ARMC9: variants seen among roughly 807,000 people sequenced by gnomAD.
ARMC9 encodes lisH domain-containing protein ARMC9.
ARMC9 carries 94 observed loss-of-function variants against 107.0 expected under a neutral mutation model. That is an observed-to-expected ratio of 0.88 (90% CI 0.74 to 1.04). The LOEUF is 1.04. ARMC9 is among the 50% of genes least tolerant of loss of function. ARMC9 has a pLI of 0.00. For missense variants in ARMC9, 942 were observed against 1,030.1 expected (o/e 0.91, Z 1.17); for synonymous variants, 380 against 396.9 (o/e 0.96, Z 0.51).
intron 9 of ARMC9, among the ~76,000 whole-genome samples, chr2:231,252,885 CTG>C (rs991306366): frequency 1.3e-5 from 2 of 151,816 alleles, no homozygotes; most frequent in African/African-American, 4.8e-5. Flanking sequence ...AGTGATCCTC[CTG>C]CCTCAGCCTC....
intron 19 of ARMC9, among the ~76,000 whole-genome samples, chr2:231,327,715 G>T (rs571749043): frequency 1.3e-5 from 2 of 152,146 alleles, no homozygotes; most frequent in Non-Finnish European, 2.9e-5. Flanking sequence ...TGCTGGTTCT[G>T]TATAGTTGCA....
At position 231,272,977 on chromosome 2, in the gene ARMC9, C is replaced by G. The variant is rs758629647; in HGVS notation, c.1233C>G (p.Asn411Lys). 1 of 1,613,760 alleles carries G rather than the reference C, an allele frequency of 6.2e-7. No homozygotes were observed. The highest frequency in any genetic ancestry group is 8.5e-7 in the Non-Finnish European group (1 of 1,179,928). Reference sequence around the variant, plus strand: ...CAGGTCGCCTCTACCTTGCCCAGAACACAAAGGTGCTGCAGATGCTGGAGG... The same window carrying G: ...CAGGTCGCCTCTACCTTGCCCAGAAGACAAAGGTGCTGCAGATGCTGGAGG... ...LAEGRLYLAQ[N>K]TKVLQMLEGR... Residue 411 changes from asparagine (N) to lysine (K), a missense_variant, in exon 14 of 25, where the codon AAC (asparagine) becomes AAG (lysine). By Grantham distance (94) the Asn-to-Lys change is moderately conservative. Coordinates refer to ENST00000611582, the MANE Select transcript of ARMC9 (RefSeq NM_001352754.2).
rs2035843384 is a variant in ARMC9 at position 231,237,665 on chromosome 2, AAAACTTGGC to A, written c.781-2276_781-2268del. Among the ~76,000 whole-genome samples the A allele has an allele frequency of 8.0e-5, 12 of 150,288 alleles. No homozygotes were observed. In the South Asian group the frequency reaches 2.3e-3, roughly 29 times the overall value. On this transcript the variant is annotated intron_variant, in intron 8 of 24. Coordinates refer to ENST00000611582, the MANE Select transcript of ARMC9 (RefSeq NM_001352754.2). Reference sequence around the variant, plus strand: ...TGAAATCTTTGTCAGTTTGGTAAGTAAAACTTGGCATTCTGCATATTTTAATTTAGATTT... The same window carrying A: ...TGAAATCTTTGTCAGTTTGGTAAGTAATTCTGCATATTTTAATTTAGATTT...
intron 19 of ARMC9, among the ~76,000 whole-genome samples, chr2:231,318,057 T>C (rs1282487825): frequency 6.6e-6 from 1 of 151,878 alleles, no homozygotes; most frequent in Non-Finnish European, 1.5e-5. Context: ...TTGTTTCTGC[T>C]GTATCTAGTA....
intron 23 of ARMC9, among the ~76,000 whole-genome samples, chr2:231,363,883 CAAAAAAAAA>C (rs1176736980): frequency 3.1e-4 from 5 of 16,282 alleles, no homozygotes; most frequent in East Asian, 5.1e-3. Context: ...GACTCCGTCT[CAAAAAAAAA>C]AAAAAAAAAA....
chr2:231,261,391 G>C (rs2038326574), intron 11 of ARMC9, among the ~76,000 whole-genome samples: 1 of 151,470 alleles, frequency 6.6e-6, no homozygotes, highest in African/African-American at 2.4e-5. Flanking sequence ...CAAAATTCTA[G>C]CCAGCTACCT....
At chr2:231,263,352 G>T (rs745340171) in intron 12 of ARMC9, among the ~76,000 whole-genome samples, 3 of 152,180 alleles carry the variant, frequency 2.0e-5, no homozygotes, top group Non-Finnish European at 4.4e-5. Flanking sequence ...CATAGTTCTG[G>T]AGTCTAGGAA....
At chr2:231,232,663 C>G (rs1225391990) in intron 7 of ARMC9, among the ~76,000 whole-genome samples, 1 of 151,730 alleles carries the variant, frequency 6.6e-6, no homozygotes, top group Non-Finnish European at 1.5e-5. Flanking sequence ...GTTGGCCAGA[C>G]TGGTCTTGAA....
At chr2:231,324,704 A>G (rs916402155) in intron 19 of ARMC9, among the ~76,000 whole-genome samples, 7 of 151,850 alleles carry the variant, frequency 4.6e-5, no homozygotes. Context: ...AGATCACACC[A>G]TTGCACTCAG....
At chr2:231,291,817 A>G (rs913220035) in intron 18 of ARMC9, among the ~76,000 whole-genome samples, 15 of 150,702 alleles carry the variant, frequency 1.0e-4, no homozygotes, top group African/African-American at 3.7e-4. Flanking sequence ...TCCATCTCAA[A>G]AAAAAAAAAG....
At chr2:231,211,549 TGC>T (rs2032865920) in intron 3 of ARMC9, among the ~76,000 whole-genome samples, 1 of 151,396 alleles carries the variant, frequency 6.6e-6, no homozygotes. Context: ...AAAAAAATAG[TGC>T]TGCAGTGAAC....
intron 20 of ARMC9, among the ~76,000 whole-genome samples, chr2:231,342,135 A>C (rs976144184): frequency 6.6e-6 from 1 of 152,194 alleles, no homozygotes; most frequent in South Asian, 2.1e-4. Context: ...CACTGCAAGC[A>C]AGGGGAGGGG....
At chr2:231,327,990 G>T (rs894416959) in intron 19 of ARMC9, among the ~76,000 whole-genome samples, 3 of 152,022 alleles carry the variant, frequency 2.0e-5, no homozygotes, top group South Asian at 2.1e-4. Flanking sequence ...TCGCCATGTT[G>T]CCCAGGCTGG....
At chr2:231,364,797 CAA>C (rs5839398) in intron 23 of ARMC9, among the ~76,000 whole-genome samples, 2 of 143,432 alleles carry the variant, frequency 1.4e-5, no homozygotes, top group African/African-American at 5.0e-5. Flanking sequence ...GATTTCATTT[CAA>C]AAAAAAAAAA....
intron 19 of ARMC9, among the ~76,000 whole-genome samples, chr2:231,298,300 C>T (rs1435676681): frequency 6.6e-6 from 1 of 152,222 alleles, no homozygotes; most frequent in East Asian, 1.9e-4. Context: ...CGGTGCCAGC[C>T]GGGGCAGTCC....
intron 12 of ARMC9, among the ~76,000 whole-genome samples, chr2:231,266,746 C>T (rs1306232997): frequency 6.6e-6 from 1 of 152,130 alleles, no homozygotes; most frequent in Non-Finnish European, 1.5e-5. Context: ...TAGCTAATGT[C>T]CTCAGGTTCA....
At chr2:231,216,496 T>A in intron 4 of ARMC9, 142 bp from the exon 5 acceptor site, 1 of 928,786 alleles carries the variant, frequency 1.1e-6, no homozygotes, top group Non-Finnish European at 1.7e-6. Flanking sequence ...GGTAGAATTC[T>A]AGAGACAATG....
At chr2:231,341,098 G>A (rs1387354069) in intron 20 of ARMC9, among the ~76,000 whole-genome samples, 4 of 152,128 alleles carry the variant, frequency 2.6e-5, no homozygotes, top group African/African-American at 7.2e-5. Context: ...AGGCTGAGAC[G>A]GGAGGATCAT....
At chr2:231,205,400 T>G (rs2031822147) in intron 1 of ARMC9, among the ~76,000 whole-genome samples, 1 of 152,078 alleles carries the variant, frequency 6.6e-6, no homozygotes, top group African/African-American at 2.4e-5. Context: ...TCTGACACAT[T>G]CTGAATTTTA....
Sources: allele counts gnomAD v4.1 joint callset (sites outside exome capture counted in the v4.1 genomes callset), GRCh38; gene constraint gnomAD v4.1.1; transcripts MANE v1.5; gene names NCBI Gene and HGNC (gene_info 2026-07-23, HGNC 2026-07-21).